The following GDAP1 variants were observed in gnomAD, a reference collection of about 807,000 sequenced individuals.
The protein encoded by GDAP1 is ganglioside induced differentiation associated protein 1, also known as ganglioside-induced differentiation-associated protein 1.
In GDAP1, 34 loss-of-function variants were observed where a neutral mutation model predicts 40.1. The observed-to-expected ratio is 0.85, with a 90% CI of 0.64 to 1.13. The LOEUF is 1.13. Among genes scored for constraint, GDAP1 ranks in the 50% most tolerant of loss-of-function variants. The pLI is 0.00. For synonymous variants in GDAP1, 170 were observed against 157.4 expected (o/e 1.08, Z -0.60); for missense variants, 374 against 433.7 (o/e 0.86, Z 1.22).
At chr8:74,371,673 G>A (rs940070760), downstream of GDAP1, among the ~76,000 whole-genome samples, 3 of 151,318 alleles carry the variant, frequency 2.0e-5, no homozygotes, top group Non-Finnish European at 4.4e-5. Flanking sequence ...AAAAAAAAAA[G>A]AAAATATTTT....
rs113619274 is a variant in GDAP1, at chr8:74,392,616, T to C, written c.165+41295T>C. On this transcript the variant is annotated intron_variant, in intron 2 of 2. Coordinates refer to the GDAP1 transcript ENST00000523640. Reference sequence around the variant, plus strand: ...GTTAACATTCATGTTCCCCATTTGATAGAACAGAGCAGTTCCTGGAAATGG... The same window carrying C: ...GTTAACATTCATGTTCCCCATTTGACAGAACAGAGCAGTTCCTGGAAATGG... 5.4e-3 allele frequency among the ~76,000 whole-genome samples: 826 copies of C among 152,348 alleles called. 6 individuals are homozygous for C. The highest frequency in any genetic ancestry group is 0.019 in the African/African-American group (790 of 41,576).
At chr8:74,464,106 A>G (rs550126510) in intron 2 of GDAP1, among the ~76,000 whole-genome samples, 10 of 152,320 alleles carry the variant, frequency 6.6e-5, no homozygotes, top group Admixed American at 3.3e-4. Flanking sequence ...TTAAAGGACA[A>G]ATCTGGGTTT....
intron 2 of GDAP1, among the ~76,000 whole-genome samples, chr8:74,465,518 TCCTTCTCATCTTTCC>T (rs1806458134): frequency 6.6e-6 from 1 of 152,178 alleles, no homozygotes; most frequent in Non-Finnish European, 1.5e-5. Flanking sequence ...TCTCCACTTC[TCCTTCTCATCTTTCC>T]CCAACACAGT....
rs141157275 is a variant in GDAP1, at chr8:74,366,186, T to C, written c.*1819T>C. Reference sequence around the variant, plus strand: ...GTGTTTATAATTTCCTTGTACAGTTTCTTTGGAAATACGTTAAAGATAGTG... The same window carrying C: ...GTGTTTATAATTTCCTTGTACAGTTCCTTTGGAAATACGTTAAAGATAGTG... On this transcript the variant is annotated 3_prime_UTR_variant, in exon 6 of 6. Coordinates refer to ENST00000220822, the MANE Select transcript of GDAP1 (RefSeq NM_018972.4). 1.9e-3 allele frequency: 850 copies of C among 454,130 alleles called. 8 individuals carry two copies. Among genetic ancestry groups the C allele is most frequent in the African/African-American group, 0.013 (660 of 50,120 alleles). The allele number at this position is 454,130 out of a possible 1,614,324, so 28.1% of individuals were successfully genotyped here.
chr8:74,464,428 C>T (rs2131581394), intron 2 of GDAP1, among the ~76,000 whole-genome samples: 1 of 152,242 alleles, frequency 6.6e-6, no homozygotes, highest in South Asian at 2.1e-4. Flanking sequence ...AGACCCTAAG[C>T]AACAGCAATT....
intron 2 of GDAP1, among the ~76,000 whole-genome samples, chr8:74,458,861 C>CACCTATGGTAG (rs1554556797): frequency 6.6e-6 from 1 of 152,074 alleles, no homozygotes; most frequent in Non-Finnish European, 1.5e-5. Context: ...GCACACACAC[C>CACCTATGGTAG]AGGTGGGGAT....
At chr8:74,412,257 G>T (rs1805724604) in intron 2 of GDAP1, among the ~76,000 whole-genome samples, 1 of 150,016 alleles carries the variant, frequency 6.7e-6, no homozygotes, top group South Asian at 2.1e-4. Flanking sequence ...AGAATTTTGT[G>T]TATGTAACAC....
chr8:74,468,007 T>C (rs1310778947), intron 2 of GDAP1, among the ~76,000 whole-genome samples: 1 of 152,184 alleles, frequency 6.6e-6, no homozygotes, highest in Non-Finnish European at 1.5e-5. Flanking sequence ...CTAGTTGTCT[T>C]AAAATCATCT....
intron 2 of GDAP1, among the ~76,000 whole-genome samples, chr8:74,422,915 G>C (rs1405604594): frequency 1.3e-5 from 2 of 151,338 alleles, no homozygotes; most frequent in African/African-American, 4.8e-5. Context: ...TAGAAATGTA[G>C]ACATGTATAT....
intron 2 of GDAP1, among the ~76,000 whole-genome samples, chr8:74,482,119 T>TG (rs112227784): frequency 0.18 from 12,460 of 70,014 alleles, 795 homozygotes; most frequent in Non-Finnish European, 0.32. Context: ...GGTTTTTTTT[T>TG]GGGGGGGGGG....
At chr8:74,414,667 A>T (rs565831104) in intron 2 of GDAP1, among the ~76,000 whole-genome samples, 1 of 149,922 alleles carries the variant, frequency 6.7e-6, no homozygotes, top group South Asian at 2.1e-4. Context: ...AAAAAAAAGA[A>T]CAGAGCCTCA....
At chr8:74,421,686 C>T (rs1805859475) in intron 2 of GDAP1, among the ~76,000 whole-genome samples, 1 of 152,118 alleles carries the variant, frequency 6.6e-6, no homozygotes, top group South Asian at 2.1e-4. Flanking sequence ...GGTGTCATTC[C>T]TCAAGGGGAA....
At chr8:74,397,414 G>A (rs189360876) in intron 2 of GDAP1, among the ~76,000 whole-genome samples, 1,796 of 152,190 alleles carry the variant, frequency 0.012, 24 homozygotes, top group African/African-American at 0.041. Flanking sequence ...TGGTGTTTTA[G>A]TCGTGAAGTC....
intron 2 of GDAP1, among the ~76,000 whole-genome samples, chr8:74,379,367 T>C (rs1367960010): frequency 1.3e-5 from 2 of 152,152 alleles, no homozygotes; most frequent in African/African-American, 4.8e-5. Context: ...GAGATGAGTG[T>C]TGGCATCAAA....
intron 2 of GDAP1, among the ~76,000 whole-genome samples, chr8:74,442,294 A>T (rs1035572071): frequency 1.3e-5 from 2 of 152,184 alleles, no homozygotes; most frequent in Admixed American, 1.3e-4. Context: ...TTCCCAGAGG[A>T]TCCGGTACCT....
At position 74,400,296 on chromosome 8, in the gene GDAP1, G is replaced by C. The variant is rs377375978; in HGVS notation, c.165+48975G>C. 2.1e-4 allele frequency among the ~76,000 whole-genome samples: 31 copies of C among 149,864 alleles called. 4 individuals carry two copies. Among genetic ancestry groups the C allele is most frequent in the African/African-American group, 7.6e-4 (30 of 39,284 alleles). ...TTCTTGTTGAATTGATCCCTTTACC[G>C]TTATGTAATGGCCTTCTTTGTCTCT... On this transcript the variant is annotated intron_variant, in intron 2 of 2. Coordinates refer to the GDAP1 transcript ENST00000523640.
intron 2 of GDAP1, among the ~76,000 whole-genome samples, chr8:74,396,860 C>CGT (rs1810209052): frequency 6.6e-6 from 1 of 152,122 alleles, no homozygotes; most frequent in Non-Finnish European, 1.5e-5. Flanking sequence ...TAGTCCTTTG[C>CGT]ATATATACCC....
chr8:74,361,440 A>C (rs1176994325), intron 3 of GDAP1, among the ~76,000 whole-genome samples: 1 of 150,432 alleles, frequency 6.6e-6, no homozygotes, highest in East Asian at 2.0e-4. Flanking sequence ...CTCTGTTTCC[A>C]TGCTGGCGTG....
rs183734429 is a variant in GDAP1 at position 74,353,471 on chromosome 8, A to T, written c.310+2005A>T. 8.5e-5 allele frequency among the ~76,000 whole-genome samples: 13 copies of T among 152,224 alleles called. No homozygotes were observed. In the East Asian group the frequency reaches 1.5e-3, roughly 18 times the overall value. ...AGTTATATAAATCGAGGTCAAGAAG[A>T]AGTTTATCTCAGAGTACTGAAATTT... is the stretch of plus-strand genomic sequence containing the variant. On this transcript the variant is annotated intron_variant, in intron 2 of 5. Coordinates refer to ENST00000220822, the MANE Select transcript of GDAP1 (RefSeq NM_018972.4).
Sources: allele counts gnomAD v4.1 joint callset (sites outside exome capture counted in the v4.1 genomes callset), GRCh38; gene constraint gnomAD v4.1.1; transcripts MANE v1.5; gene names NCBI Gene and HGNC (gene_info 2026-07-23, HGNC 2026-07-21).